KCNIP1: variants seen among roughly 807,000 people sequenced by gnomAD.
The protein encoded by KCNIP1 is potassium voltage-gated channel interacting protein 1.
A neutral mutation model predicts 33.0 loss-of-function variants in KCNIP1; 18 were observed. That is an observed-to-expected ratio of 0.55 (90% CI 0.38 to 0.81). The LOEUF is 0.81. Ranked by LOEUF, KCNIP1 falls within the 30% of genes least tolerant of loss-of-function variation. The pLI, the probability that KCNIP1 is intolerant of heterozygous loss-of-function variation, is 0.00. For synonymous variants in KCNIP1, 93 were observed against 98.3 expected, an observed-to-expected ratio of 0.95 and a Z score of 0.32; for missense variants, 238 against 271.6, an observed-to-expected ratio of 0.88 and a Z score of 0.87.
intron 1 of KCNIP1, among the ~76,000 whole-genome samples, chr5:170,429,671 T>C (rs768976619): frequency 6.6e-6 from 1 of 152,208 alleles, no homozygotes; most frequent in Non-Finnish European, 1.5e-5. Context: ...TCTACATCCA[T>C]GTATACAGGT....
chr5:170,379,938 C>T (rs192468087), intron 1 of KCNIP1, among the ~76,000 whole-genome samples: 6 of 147,748 alleles, frequency 4.1e-5, no homozygotes, highest in Admixed American at 2.7e-4. Context: ...GGCAACAAAG[C>T]GAGATCCCAT....
At chr5:170,379,089 G>C in intron 1 of KCNIP1, 2 of 1,273,440 alleles carry the variant, frequency 1.6e-6, no homozygotes, top group Non-Finnish European at 2.1e-6. Context: ...GATTGGAGTC[G>C]GGGCTTTGGT....
intron 1 of KCNIP1, among the ~76,000 whole-genome samples, chr5:170,598,889 C>CTGTGTGTGTGCGTGTGTGTGTGTG (rs1193319687): frequency 7.1e-6 from 1 of 141,732 alleles, no homozygotes; most frequent in Non-Finnish European, 1.5e-5. Context: ...CATAGCCCCG[C>CTGTGTGTGTGCGTGTGTGTGTGTG]TGTGTGTGTG....
chr5:170,391,991 A>G (rs1220107817), intron 1 of KCNIP1, among the ~76,000 whole-genome samples: 1 of 152,164 alleles, frequency 6.6e-6, no homozygotes, highest in Non-Finnish European at 1.5e-5. Flanking sequence ...CCCTGGGTGG[A>G]GCTTCGTAAG....
At chr5:170,454,430 C>A (rs1756327444) in intron 1 of KCNIP1, among the ~76,000 whole-genome samples, 1 of 152,182 alleles carries the variant, frequency 6.6e-6, no homozygotes, top group South Asian at 2.1e-4. Flanking sequence ...TGTACCTAAA[C>A]CTGAAACAAA....
intron 1 of KCNIP1, among the ~76,000 whole-genome samples, chr5:170,599,774 T>C (rs1758621308): frequency 6.6e-6 from 1 of 152,220 alleles, no homozygotes; most frequent in Admixed American, 6.5e-5. Flanking sequence ...TCCTCTCCTC[T>C]TCCCCCTTCC....
At chr5:170,701,074 G>A (rs558264714) in intron 1 of KCNIP1, among the ~76,000 whole-genome samples, 18 of 152,184 alleles carry the variant, frequency 1.2e-4, no homozygotes, top group African/African-American at 4.3e-4. Flanking sequence ...AATTTTAAAA[G>A]CAATTCAAAC....
At chr5:170,456,705 C>CTT (rs767299458) in intron 1 of KCNIP1, among the ~76,000 whole-genome samples, 2 of 140,348 alleles carry the variant, frequency 1.4e-5, no homozygotes, top group African/African-American at 2.6e-5. Flanking sequence ...CTCTCTTTTT[C>CTT]TTTCTTTCTT....
intron 1 of KCNIP1, among the ~76,000 whole-genome samples, chr5:170,602,136 A>G (rs1272320123): frequency 6.6e-6 from 1 of 152,228 alleles, no homozygotes; most frequent in African/African-American, 2.4e-5. Context: ...TGAAAGTGTA[A>G]GACCAGCTCC....
intron 1 of KCNIP1, among the ~76,000 whole-genome samples, chr5:170,400,326 G>A (rs1396854323): frequency 1.3e-5 from 2 of 152,148 alleles, no homozygotes; most frequent in South Asian, 2.1e-4. Context: ...AGGGGAAGCA[G>A]GCACCTCTTC....
chr5:170,633,663 G>C (rs1444307950), intron 1 of KCNIP1, among the ~76,000 whole-genome samples: 2 of 138,826 alleles, frequency 1.4e-5, no homozygotes, highest in African/African-American at 2.7e-5. Flanking sequence ...AGGTCAGAGA[G>C]ATGGCGGTGG....
At chr5:170,735,593 TTGAAC>T (rs1764359497) in intron 7 of KCNIP1, among the ~76,000 whole-genome samples, 161 bp from the exon 8 acceptor site, 1 of 152,238 alleles carries the variant, frequency 6.6e-6, no homozygotes, top group Admixed American at 6.5e-5. Flanking sequence ...GCTTCTTACT[TTGAAC>T]TGATCACTTT....
intron 1 of KCNIP1, among the ~76,000 whole-genome samples, chr5:170,697,033 C>T (rs1762921509): frequency 6.6e-6 from 1 of 151,612 alleles, no homozygotes; most frequent in South Asian, 2.1e-4. Context: ...CTTTCTCTCT[C>T]CTCCTCCTCC....
At chr5:170,626,315 T>A (rs544613781) in intron 1 of KCNIP1, among the ~76,000 whole-genome samples, 2 of 152,216 alleles carry the variant, frequency 1.3e-5, no homozygotes, top group Non-Finnish European at 2.9e-5. Context: ...GCTCCCCAGC[T>A]GTTAGGTGCT....
At chr5:170,584,268 T>G (rs1429292916) in intron 1 of KCNIP1, among the ~76,000 whole-genome samples, 1 of 152,174 alleles carries the variant, frequency 6.6e-6, no homozygotes, top group Non-Finnish European at 1.5e-5. Context: ...TCTTAGAAAT[T>G]CTGATTGTTG....
intron 1 of KCNIP1, among the ~76,000 whole-genome samples, chr5:170,367,438 GGAAAGAAAGGAAAGAAA>G: frequency 7.4e-6 from 1 of 134,914 alleles, no homozygotes; most frequent in African/African-American, 2.9e-5. Context: ...AAGAAAGAAA[GGAAAGAAAGGAAAGAAA>G]GAAAGAAAGA....
chr5:170,735,669 A>T, intron 7 of KCNIP1, 90 bp from the exon 8 acceptor site: 1 of 1,117,754 alleles, frequency 8.9e-7, no homozygotes, highest in South Asian at 1.3e-5. Flanking sequence ...CCATATAGGA[A>T]ACCCATGCTT....
chr5:170,615,763 A>T (rs1376241147), intron 1 of KCNIP1, among the ~76,000 whole-genome samples: 1 of 152,202 alleles, frequency 6.6e-6, no homozygotes, highest in Non-Finnish European at 1.5e-5. Context: ...CAGTTTCTTT[A>T]TGTGTCAAAT....
chr5:170,601,850 C>A (rs1758707540), intron 1 of KCNIP1, among the ~76,000 whole-genome samples: 3 of 152,156 alleles, frequency 2.0e-5, no homozygotes, highest in Non-Finnish European at 4.4e-5. Flanking sequence ...GAGCAGGGGC[C>A]TTTGAAGAGG....
Sources: allele counts gnomAD v4.1 joint callset (sites outside exome capture counted in the v4.1 genomes callset), GRCh38; gene constraint gnomAD v4.1.1; transcripts MANE v1.5; gene names NCBI Gene and HGNC (gene_info 2026-07-23, HGNC 2026-07-21).